CMTM8: variants seen among roughly 807,000 people sequenced by gnomAD.
CMTM8 encodes the protein CKLF-like MARVEL transmembrane domain-containing protein 8.
In CMTM8, 12 loss-of-function variants were observed where a neutral mutation model predicts 18.6. That is an observed-to-expected ratio of 0.65 (90% CI 0.41 to 1.05). The LOEUF is 1.05. Ranked by LOEUF, CMTM8 falls within the 50% of genes least tolerant of loss-of-function variation. The pLI, the probability that CMTM8 is intolerant of heterozygous loss-of-function variation, is 0.00. For synonymous variants in CMTM8, 87 were observed against 90.6 expected (o/e 0.96, Z 0.23); for missense variants, 217 against 227.2 (o/e 0.95, Z 0.29).
At chr3:32,304,325 C>T (rs1328455840) in intron 1 of CMTM8, among the ~76,000 whole-genome samples, 1 of 152,146 alleles carries the variant, frequency 6.6e-6, no homozygotes, top group Non-Finnish European at 1.5e-5. Flanking sequence ...AATGAATTTT[C>T]CCCCAACAGC....
intron 1 of CMTM8, among the ~76,000 whole-genome samples, chr3:32,257,640 A>G (rs1373672612): frequency 6.6e-6 from 1 of 152,036 alleles, no homozygotes; most frequent in African/African-American, 2.4e-5. Flanking sequence ...GTTTGCTTTT[A>G]GTCTGATCTC....
At chr3:32,367,789 G>A in intron 2 of CMTM8, 83 bp from the exon 3 acceptor site, 1 of 883,988 alleles carries the variant, frequency 1.1e-6, no homozygotes, top group Non-Finnish European at 1.8e-6. Context: ...CCACACCAGA[G>A]GTACAGCCCT....
At chr3:32,305,317 G>A (rs1476381120) in intron 1 of CMTM8, among the ~76,000 whole-genome samples, 1 of 149,550 alleles carries the variant, frequency 6.7e-6, no homozygotes, top group East Asian at 2.0e-4. Flanking sequence ...TGCAAGCTCA[G>A]CCTCCCGGGT....
chr3:32,280,567 G>GA (rs1702591777), intron 1 of CMTM8, among the ~76,000 whole-genome samples: 1 of 152,086 alleles, frequency 6.6e-6, no homozygotes, highest in South Asian at 2.1e-4. Context: ...TTAAACCCCA[G>GA]AAAATTCCAT....
At chr3:32,262,094 C>T (rs1305612006) in intron 1 of CMTM8, among the ~76,000 whole-genome samples, 2 of 152,166 alleles carry the variant, frequency 1.3e-5, no homozygotes, top group Non-Finnish European at 2.9e-5. Context: ...GAAGCAGGAT[C>T]TACTCTCATG....
chr3:32,263,584 A>G (rs1219085041), intron 1 of CMTM8, among the ~76,000 whole-genome samples: 1 of 152,242 alleles, frequency 6.6e-6, no homozygotes, highest in East Asian at 1.9e-4. Context: ...CCAGCAACAG[A>G]ACAAAGCTGG....
chr3:32,306,191 G>A (rs140778142), intron 1 of CMTM8, among the ~76,000 whole-genome samples: 3 of 152,326 alleles, frequency 2.0e-5, no homozygotes, highest in African/African-American at 7.2e-5. Context: ...GAGACTGCAT[G>A]ATTTAAGAGG....
intron 2 of CMTM8, among the ~76,000 whole-genome samples, chr3:32,365,769 T>C (rs907135816): frequency 3.3e-5 from 5 of 152,182 alleles, no homozygotes; most frequent in African/African-American, 1.2e-4. Flanking sequence ...TACTATATTG[T>C]CCTTGTAGCT....
chr3:32,350,504 C>T (rs1463085004), intron 1 of CMTM8, among the ~76,000 whole-genome samples: 6 of 141,384 alleles, frequency 4.2e-5, no homozygotes, highest in South Asian at 2.3e-4. Context: ...ATTACAGGTG[C>T]GTGCCACCAG....
intron 1 of CMTM8, among the ~76,000 whole-genome samples, chr3:32,321,411 G>T (rs1310286794): frequency 6.6e-6 from 1 of 152,106 alleles, no homozygotes; most frequent in Non-Finnish European, 1.5e-5. Context: ...TGAGGAGGAG[G>T]GAGGGCAGGC....
chr3:32,281,919 T>C (rs893458961), intron 1 of CMTM8, among the ~76,000 whole-genome samples: 1 of 152,136 alleles, frequency 6.6e-6, no homozygotes, highest in Non-Finnish European at 1.5e-5. Flanking sequence ...TCATCTTCTT[T>C]CCTGGTGCCT....
chr3:32,283,480 G>A (rs917715726), intron 1 of CMTM8, among the ~76,000 whole-genome samples: 12 of 152,170 alleles, frequency 7.9e-5, no homozygotes, highest in Non-Finnish European at 1.2e-4. Flanking sequence ...CACGTCCCCC[G>A]GGAGTTAGCT....
At chr3:32,309,863 C>T (rs1159850398) in intron 1 of CMTM8, among the ~76,000 whole-genome samples, 1 of 152,196 alleles carries the variant, frequency 6.6e-6, no homozygotes, top group Non-Finnish European at 1.5e-5. Flanking sequence ...GAGGCCCTCT[C>T]GTACTGCGGG....
intron 1 of CMTM8, among the ~76,000 whole-genome samples, chr3:32,302,228 A>T (rs1316063756): frequency 6.6e-6 from 1 of 152,110 alleles, no homozygotes; most frequent in East Asian, 1.9e-4. Context: ...GAGCCCAGGA[A>T]TTGGAGATGC....
intron 1 of CMTM8, among the ~76,000 whole-genome samples, chr3:32,243,432 GAGGCAGAAGGATCATTTGAC>G (rs1701970573): frequency 6.6e-6 from 1 of 151,036 alleles, no homozygotes; most frequent in African/African-American, 2.4e-5. Flanking sequence ...TCGGGAGGCT[GAGGCAGAAGGATCATTTGAC>G]CCCAGGAGGT....
At chr3:32,295,476 A>AAAAAAAAAAAAAAAAAAAAAG (rs1702860500) in intron 1 of CMTM8, among the ~76,000 whole-genome samples, 1 of 92,826 alleles carries the variant, frequency 1.1e-5, no homozygotes, top group African/African-American at 4.5e-5. Context: ...AAAAAAAAAA[A>AAAAAAAAAAAAAAAAAAAAAG]AACAAAACAA....
chr3:32,293,497 AAG>A (rs1167976956), intron 1 of CMTM8, among the ~76,000 whole-genome samples: 1 of 152,186 alleles, frequency 6.6e-6, no homozygotes, highest in East Asian at 1.9e-4. Flanking sequence ...GCAGTGAGCC[AAG>A]ATTGTGCCAC....
chr3:32,334,830 T>C (rs1225877650), intron 1 of CMTM8, among the ~76,000 whole-genome samples: 1 of 152,122 alleles, frequency 6.6e-6, no homozygotes, highest in East Asian at 1.9e-4. Context: ...CAGGAAGATG[T>C]GTTGTTGCTA....
intron 1 of CMTM8, among the ~76,000 whole-genome samples, chr3:32,312,965 A>G (rs1695849108): frequency 6.6e-6 from 1 of 152,132 alleles, no homozygotes. Flanking sequence ...CTATTGCTCT[A>G]ATCACTTAGG....
Sources: allele counts gnomAD v4.1 joint callset (sites outside exome capture counted in the v4.1 genomes callset), GRCh38; gene constraint gnomAD v4.1.1; transcripts MANE v1.5; gene names NCBI Gene and HGNC (gene_info 2026-07-23, HGNC 2026-07-21).